PBX1: variants seen among roughly 807,000 people sequenced by gnomAD.
PBX1 encodes pre-B-cell leukemia transcription factor 1.
PBX1 carries 6 observed loss-of-function variants against 53.4 expected under a neutral mutation model. The observed-to-expected ratio is 0.11, with a 90% CI of 0.06 to 0.22. PBX1 has a LOEUF of 0.22. Among genes scored for constraint, PBX1 ranks in the 10% least tolerant of loss-of-function variants. The pLI, the probability that PBX1 is intolerant of heterozygous loss-of-function variation, is 1.00. For synonymous variants in PBX1, 204 were observed against 212.3 expected (o/e 0.96, Z 0.34); for missense variants, 251 against 551.4 (o/e 0.46, Z 5.46).
intron 2 of PBX1, among the ~76,000 whole-genome samples, chr1:164,604,616 C>T (rs904897578): frequency 1.3e-5 from 2 of 152,204 alleles, no homozygotes; most frequent in Non-Finnish European, 2.9e-5. Flanking sequence ...ATGCTATCCA[C>T]TTATTATAGC....
chr1:164,872,554 C>A (rs1672406757), intron 2 of PBX1, among the ~76,000 whole-genome samples: 1 of 152,156 alleles, frequency 6.6e-6, no homozygotes, highest in Non-Finnish European at 1.5e-5. Context: ...TTATCAACAC[C>A]CCTACTAAAG....
At chr1:164,835,211 T>G (rs952101355) in intron 8 of PBX1, among the ~76,000 whole-genome samples, 1 of 151,016 alleles carries the variant, frequency 6.6e-6, no homozygotes, top group African/African-American at 2.4e-5. Flanking sequence ...ATTTATACTA[T>G]AGAACATTTA....
rs1571524237 is a variant in PBX1, at chr1:164,848,368, G to A, written c.*1692G>A. On this transcript the variant is annotated 3_prime_UTR_variant, in exon 9 of 9. Transcript: ENST00000420696. Reference sequence around the variant, plus strand: ...CTCATTTTCTTCATCTGTGAGATGGGAACTGTTATGCCTGGCTTACTAAGA... The same window carrying A: ...CTCATTTTCTTCATCTGTGAGATGGAAACTGTTATGCCTGGCTTACTAAGA... 33 of 1,056,578 alleles carry A rather than the reference G, an allele frequency of 3.1e-5. No individual in the cohort carries two copies. The highest frequency in any genetic ancestry group is 9.1e-5 in the South Asian group (2 of 21,902). 65.5% of individuals were successfully genotyped at this position (1,056,578 alleles called of 1,614,324 possible).
At chr1:164,854,858 C>T (rs1671943073), downstream of PBX1, among the ~76,000 whole-genome samples, 1 of 151,926 alleles carries the variant, frequency 6.6e-6, no homozygotes, top group Non-Finnish European at 1.5e-5. Flanking sequence ...CCAGGTTCTC[C>T]TGTACCCTCA....
intron 2 of PBX1, among the ~76,000 whole-genome samples, chr1:164,639,830 T>C (rs906749246): frequency 6.6e-6 from 1 of 152,022 alleles, no homozygotes; most frequent in African/African-American, 2.4e-5. Flanking sequence ...GCCCAGCAAA[T>C]TTTTTCTATT....
chr1:164,621,207 T>G (rs1014098909), intron 2 of PBX1, among the ~76,000 whole-genome samples: 1 of 151,692 alleles, frequency 6.6e-6, no homozygotes, highest in African/African-American at 2.4e-5. Context: ...CTGGATGGTC[T>G]CGATCTCTTG....
chr1:164,610,972 T>C (rs979333960), intron 2 of PBX1, among the ~76,000 whole-genome samples: 15 of 152,230 alleles, frequency 9.9e-5, no homozygotes, highest in Non-Finnish European at 1.6e-4. Flanking sequence ...CTTTTTCCTT[T>C]CCTTTTACCC....
Position 164,718,233 on chromosome 1 carries a change from T to C in PBX1, c.266-74261T>C, listed in dbSNP as rs75506722. ...TATACATTAATGTGTAATAAAAACT[T>C]GCATTGTTGGCATTGCAGCATATTC... On this transcript the variant is annotated intron_variant, in intron 2 of 8. Transcript: ENST00000420696. 4.0e-3 allele frequency among the ~76,000 whole-genome samples: 611 copies of C among 152,330 alleles called. 4 individuals carry two copies. Among genetic ancestry groups the C allele is most frequent in the African/African-American group, 0.014 (593 of 41,580 alleles).
chr1:164,875,845 G>C (rs1672491145), intron 2 of PBX1, among the ~76,000 whole-genome samples: 1 of 151,808 alleles, frequency 6.6e-6, no homozygotes, highest in Non-Finnish European at 1.5e-5. Context: ...CTATATAAAA[G>C]TTCTAGAGAG....
At chr1:164,724,466 A>G (rs1664576280) in intron 2 of PBX1, among the ~76,000 whole-genome samples, 1 of 152,152 alleles carries the variant, frequency 6.6e-6, no homozygotes, top group African/African-American at 2.4e-5. Context: ...ACAATAGCTG[A>G]TGAGGTAAAA....
chr1:164,667,410 A>ATGTG (rs199884600), intron 2 of PBX1, among the ~76,000 whole-genome samples: 449 of 43,262 alleles, frequency 0.01, no homozygotes, highest in African/African-American at 0.018. Flanking sequence ...CATATGTATA[A>ATGTG]TATGTGTGTG....
intron 2 of PBX1, among the ~76,000 whole-genome samples, chr1:164,761,592 G>C (rs540093361): frequency 1.3e-5 from 2 of 152,002 alleles, no homozygotes; most frequent in African/African-American, 2.4e-5. Flanking sequence ...CTACAGGTGC[G>C]CGCCACCATG....
chr1:164,686,548 G>A (rs1571219676), intron 2 of PBX1, among the ~76,000 whole-genome samples: 1 of 152,266 alleles, frequency 6.6e-6, no homozygotes, highest in East Asian at 1.9e-4. Context: ...GTATCAGAAG[G>A]TAGAAAGGAG....
At chr1:164,720,170 A>G (rs764025549) in intron 2 of PBX1, among the ~76,000 whole-genome samples, 13 of 152,202 alleles carry the variant, frequency 8.5e-5, no homozygotes, top group South Asian at 2.1e-4. Context: ...TTTTTATTGT[A>G]AAGACAGGGG....
chr1:164,714,516 G>T (rs1663980319), intron 2 of PBX1, among the ~76,000 whole-genome samples: 1 of 152,124 alleles, frequency 6.6e-6, no homozygotes, highest in African/African-American at 2.4e-5. Context: ...ATTATTTTAA[G>T]ATAGGAGAGA....
intron 2 of PBX1, among the ~76,000 whole-genome samples, chr1:164,868,642 A>G (rs10918084): frequency 0.16 from 24,111 of 152,108 alleles, 2,223 homozygotes; most frequent in East Asian, 0.28. Context: ...TGTCTCTCTG[A>G]TTCCTAAAGA....
chr1:164,600,162 C>G (rs1054272665), intron 2 of PBX1, among the ~76,000 whole-genome samples: 4 of 150,484 alleles, frequency 2.7e-5, no homozygotes, highest in Non-Finnish European at 5.9e-5. Flanking sequence ...TGAGTCAGGA[C>G]TGTGTTAAAA....
intron 2 of PBX1, among the ~76,000 whole-genome samples, chr1:164,655,269 A>G (rs1378517875): frequency 6.6e-6 from 1 of 151,782 alleles, no homozygotes; most frequent in Non-Finnish European, 1.5e-5. Flanking sequence ...ATGCGCCACC[A>G]CGCCTGTCTA....
chr1:164,700,862 C>T (rs999338714), intron 2 of PBX1, among the ~76,000 whole-genome samples: 1 of 152,180 alleles, frequency 6.6e-6, no homozygotes. Context: ...CTCCCATCTG[C>T]CTCTGACAGT....
Sources: gnomAD v4.1 joint callset for allele counts (sites outside exome capture counted in the v4.1 genomes callset) on GRCh38, gnomAD v4.1.1 for gene constraint, MANE v1.5 for transcripts, NCBI Gene and HGNC (gene_info 2026-07-23, HGNC 2026-07-21) for gene names.